The following ARMC2 variants were observed in gnomAD, a reference collection of about 807,000 sequenced individuals.
The protein encoded by ARMC2 is armadillo repeat-containing protein 2.
In ARMC2, 67 loss-of-function variants were observed where a neutral mutation model predicts 90.3. The ratio of observed to expected loss-of-function variants is 0.74; its 90% CI spans 0.61 to 0.91. The LOEUF (loss-of-function observed/expected upper bound fraction) is 0.91. Among genes scored for constraint, ARMC2 ranks in the 40% least tolerant of loss-of-function variants. ARMC2 has a pLI of 0.00. For missense variants in ARMC2, 920 were observed against 1,030.9 expected (o/e 0.89, Z 1.47); for synonymous variants, 393 against 393.0 (o/e 1.00, Z 0.00).
At chr6:108,865,566 T>C (rs1308542459) in intron 3 of ARMC2, among the ~76,000 whole-genome samples, 1 of 152,224 alleles carries the variant, frequency 6.6e-6, no homozygotes, top group Non-Finnish European at 1.5e-5. Context: ...AGTAGTAAAA[T>C]GGAACCGAAT....
chr6:108,968,921 G>A (rs887535483), intron 17 of ARMC2, among the ~76,000 whole-genome samples: 11 of 152,164 alleles, frequency 7.2e-5, no homozygotes, highest in African/African-American at 2.7e-4. Flanking sequence ...TTAAAAGAAC[G>A]TGGTCTGAAA....
intron 10 of ARMC2, among the ~76,000 whole-genome samples, chr6:108,914,111 A>C (rs1443055890): frequency 6.6e-6 from 1 of 152,192 alleles, no homozygotes; most frequent in East Asian, 1.9e-4. Context: ...ATACATATAT[A>C]AATGTGGTTT....
chr6:108,992,809 T>G, the ARMC2 span: 9 of 1,612,528 alleles, frequency 5.6e-6, no homozygotes, highest in Non-Finnish European at 6.8e-6. Context: ...TGTTGGAACA[T>G]GCATCCCATG....
intron 5 of ARMC2, 117 bp from the exon 6 acceptor site, chr6:108,894,350 C>T (rs1253957060): frequency 2.4e-6 from 2 of 833,584 alleles, no homozygotes; most frequent in African/African-American, 3.6e-5. Flanking sequence ...GCCTGGATGA[C>T]AGAGTGAGAC....
At chr6:108,959,607 T>C (rs1777841200) in intron 13 of ARMC2, 1 of 152,242 alleles carries the variant, frequency 6.6e-6, no homozygotes, top group Non-Finnish European at 1.5e-5. Flanking sequence ...CTGTTCAAGC[T>C]GCAGTCACTG....
chr6:109,046,965 G>A, the ARMC2 span, among the ~76,000 whole-genome samples: 7 of 107,678 alleles, frequency 6.5e-5, no homozygotes, highest in South Asian at 2.0e-3. Context: ...GTCTCCACCC[G>A]GCAGCCACCC....
chr6:108,904,633 AC>A (rs1772482400), intron 8 of ARMC2, among the ~76,000 whole-genome samples: 1 of 114,634 alleles, frequency 8.7e-6, no homozygotes. Context: ...ACGTTTTTGG[AC>A]TGCAACTAAG....
chr6:108,860,269 A>AAGGT (rs2128420294), intron 3 of ARMC2, among the ~76,000 whole-genome samples: 1 of 152,052 alleles, frequency 6.6e-6, no homozygotes, highest in Admixed American at 6.5e-5. Context: ...TTTTTTAACT[A>AAGGT]AGTTTTCTTC....
At chr6:108,921,492 T>C (rs1326735538) in intron 10 of ARMC2, among the ~76,000 whole-genome samples, 1 of 141,146 alleles carries the variant, frequency 7.1e-6, no homozygotes, top group Non-Finnish European at 1.6e-5. Context: ...CTTAATAAAT[T>C]CCAAGAAAAG....
At chr6:109,020,699 T>C in the ARMC2 span, among the ~76,000 whole-genome samples, 1 of 152,222 alleles carries the variant, frequency 6.6e-6, no homozygotes, top group Non-Finnish European at 1.5e-5. Flanking sequence ...TCATCACTGT[T>C]ATATTTAGCA....
the ARMC2 span, among the ~76,000 whole-genome samples, chr6:108,985,623 G>A: frequency 6.6e-6 from 1 of 152,156 alleles, no homozygotes; most frequent in African/African-American, 2.4e-5. Context: ...GTGATTATAA[G>A]TTCCAGTGGA....
chr6:109,042,113 G>C, the ARMC2 span, among the ~76,000 whole-genome samples: 1 of 152,102 alleles, frequency 6.6e-6, no homozygotes, highest in Non-Finnish European at 1.5e-5. Context: ...ATTCATGAGT[G>C]AAAGAGGAGG....
the ARMC2 span, among the ~76,000 whole-genome samples, chr6:109,005,820 T>C: frequency 1.3e-5 from 2 of 152,200 alleles, no homozygotes; most frequent in African/African-American, 4.8e-5. Context: ...TTATAAACTA[T>C]AGAATTTTAC....
chr6:109,045,195 C>T, the ARMC2 span, among the ~76,000 whole-genome samples: 1 of 152,132 alleles, frequency 6.6e-6, no homozygotes, highest in Non-Finnish European at 1.5e-5. Context: ...AACCTCTTGT[C>T]AAGTTCTGAA....
the ARMC2 span, among the ~76,000 whole-genome samples, chr6:109,025,737 GTAAAC>G: frequency 6.6e-6 from 1 of 151,870 alleles, no homozygotes; most frequent in East Asian, 1.9e-4. Flanking sequence ...AAAATTATTA[GTAAAC>G]TAGAAAGTAA....
At position 108,848,460 on chromosome 6, in the gene ARMC2, C is replaced by T. The variant is rs370618451; in HGVS notation, c.-130C>T. 19 of 152,490 alleles carry T rather than the reference C, an allele frequency of 1.2e-4. No homozygotes were observed. Among genetic ancestry groups the T allele is most frequent in the African/African-American group, 3.8e-4 (16 of 41,598 alleles). The allele number at this position is 152,490 out of a possible 1,614,324, so 9.4% of individuals were successfully genotyped here. A position where few individuals can be genotyped will look rare whatever the true frequency, so the allele number is the denominator to read the frequency against. On this transcript the variant is annotated 5_prime_UTR_variant, in exon 1 of 18. Transcript: ENST00000392644. ...CGTCGTGGGGTTACCCCGCCCGCGCCAGCGCTGCATCCCTGGCCGCTACCC... is the reference window on the plus strand; with the variant it reads ...CGTCGTGGGGTTACCCCGCCCGCGCTAGCGCTGCATCCCTGGCCGCTACCC...
the ARMC2 span, chr6:108,992,892 T>A: frequency 2.3e-5 from 37 of 1,605,278 alleles, no homozygotes; most frequent in African/African-American, 8.1e-5. Context: ...GTGTAACTTC[T>A]TCATCATCTG....
intron 8 of ARMC2, among the ~76,000 whole-genome samples, chr6:108,906,203 T>C (rs1472429979): frequency 6.6e-6 from 1 of 152,112 alleles, no homozygotes; most frequent in Non-Finnish European, 1.5e-5. Flanking sequence ...AATGTTACTA[T>C]ATTAAGATTT....
chr6:109,043,150 A>G, the ARMC2 span, among the ~76,000 whole-genome samples: 7 of 152,260 alleles, frequency 4.6e-5, no homozygotes, highest in South Asian at 1.4e-3. Flanking sequence ...CTCATTTATG[A>G]TTTTTAAAAA....
Sources: gnomAD v4.1 joint callset for allele counts (sites outside exome capture counted in the v4.1 genomes callset) on GRCh38, gnomAD v4.1.1 for gene constraint, MANE v1.5 for transcripts, NCBI Gene and HGNC (gene_info 2026-07-23, HGNC 2026-07-21) for gene names.